DNTT: variants seen among roughly 807,000 people sequenced by gnomAD.
The protein encoded by DNTT is nucleosidetriphosphate:DNA deoxynucleotidylexotransferase.
In DNTT, 47 loss-of-function variants were observed where a neutral mutation model predicts 60.9. The observed-to-expected ratio is 0.77, with a 90% CI of 0.61 to 0.98. The LOEUF (loss-of-function observed/expected upper bound fraction) is 0.98, where lower values mean the gene tolerates loss of function less well. Among genes scored for constraint, DNTT ranks in the 50% least tolerant of loss-of-function variants. DNTT has a pLI of 0.00. For synonymous variants in DNTT, 224 were observed against 221.2 expected, an observed-to-expected ratio of 1.01 and a Z score of -0.11; for missense variants, 665 against 627.5, an observed-to-expected ratio of 1.06 and a Z score of -0.64.
intron 1 of DNTT, 116 bp from the exon 2 acceptor site, chr10:96,318,236 T>C: frequency 3.3e-6 from 4 of 1,206,294 alleles, no homozygotes; most frequent in Non-Finnish European, 4.6e-6. Flanking sequence ...CACCTATGGT[T>C]AGGTCTAGCA....
chr10:96,332,525 A>C lies in DNTT; in HGVS notation c.1288A>C (p.Ile430Leu). The change falls in exon 9 of 11, where the codon ATC (isoleucine) becomes CTC (leucine). Residue 430 changes from isoleucine to leucine, a missense_variant. By Grantham distance (5) the Ile-to-Leu change is conservative. Coordinates refer to ENST00000371174, the MANE Select transcript of DNTT (RefSeq NM_004088.4). ...GCAGGAAGGAAAGACCTGGAAGGCC[A>C]TCCGTGTGGATTTAGTTCTGTGCCC... The part of the protein sequence containing the change: ...SWQEGKTWKA[I>L]RVDLVLCPYE... 6.2e-7 allele frequency: 1 copy of C among 1,614,194 alleles called. No individual in the cohort carries two copies. Among genetic ancestry groups the C allele is most frequent in the African/African-American group, 1.3e-5 (1 of 75,068 alleles).
intron 1 of DNTT, among the ~76,000 whole-genome samples, chr10:96,314,193 C>T (rs753864197): frequency 3.3e-5 from 5 of 151,954 alleles, no homozygotes; most frequent in Non-Finnish European, 7.4e-5. Context: ...GGGAGGAAAT[C>T]GATTTTCTTA....
chr10:96,333,455 C>T (rs1845031560), intron 9 of DNTT, among the ~76,000 whole-genome samples: 1 of 152,216 alleles, frequency 6.6e-6, no homozygotes, highest in Non-Finnish European at 1.5e-5. Flanking sequence ...AGCAATCTTA[C>T]TTCTGGGTAT....
chr10:96,304,782 C>T, intron 1 of DNTT, 82 bp downstream of exon 1: 1 of 1,460,214 alleles, frequency 6.8e-7, no homozygotes. Context: ...CCTGTGTTTT[C>T]TTCCACATGT....
chr10:96,334,702 A>T (rs1294521613), intron 9 of DNTT, among the ~76,000 whole-genome samples: 1 of 152,222 alleles, frequency 6.6e-6, no homozygotes, highest in African/African-American at 2.4e-5. Flanking sequence ...TTCCTAAAAA[A>T]AGGGGAAGAA....
Position 96,320,886 on chromosome 10 carries a change from TGTG to T in DNTT, c.678+102_678+104del, listed in dbSNP as rs376977217. Reference sequence around the variant, plus strand: ...CAGATTTTCCTGTCAACTATGTAGATGTGGTGTACATCACAAATTTTCCTTTAT... The same window carrying T: ...CAGATTTTCCTGTCAACTATGTAGATGTGTACATCACAAATTTTCCTTTAT... On this transcript the variant is annotated intron_variant, in intron 4 of 10. Transcript: ENST00000371174. 8.2e-4 allele frequency: 1,180 copies of T among 1,445,546 alleles called. 18 individuals are homozygous for T. In the South Asian group the frequency reaches 0.012, roughly 15 times the overall value. The allele number at this position is 1,445,546 out of a possible 1,614,324, so 89.5% of individuals were successfully genotyped here.
intron 1 of DNTT, among the ~76,000 whole-genome samples, chr10:96,317,681 C>T (rs1051298667): frequency 6.6e-6 from 1 of 152,130 alleles, no homozygotes; most frequent in Admixed American, 6.6e-5. Context: ...CTGCCTTCCC[C>T]TTCTGCTATG....
intron 1 of DNTT, among the ~76,000 whole-genome samples, chr10:96,307,777 A>ATATATATTTTT (rs768634575): frequency 7.9e-6 from 1 of 126,020 alleles, no homozygotes; most frequent in African/African-American, 3.1e-5. Flanking sequence ...ATATATATAT[A>ATATATATTTTT]TTTTTTTTTT....
Position 96,320,696 on chromosome 10 carries a change from T to C in DNTT, c.586T>C (p.Ser196Pro), listed in dbSNP as rs138972209. The change falls in exon 4 of 11, where the codon TCT (serine) becomes CCT (proline). Residue 196 changes from serine to proline, a missense_variant. Physicochemically the swap from Ser to Pro is moderately conservative, Grantham distance 74. Coordinates refer to ENST00000371174, the MANE Select transcript of DNTT (RefSeq NM_004088.4). Reference protein sequence around the residue: ...DSCVTFMRAASVLKSLPFTII... With the variant: ...DSCVTFMRAAPVLKSLPFTII... ...CTGTGTGACATTTATGAGAGCAGCT[T>C]CTGTATTGAAATCTCTGCCATTCAC... 1.2e-6 allele frequency: 2 copies of C among 1,613,716 alleles called. No homozygotes were observed. Among genetic ancestry groups the C allele is most frequent in the Non-Finnish European group, 1.7e-6 (2 of 1,179,818 alleles).
intron 1 of DNTT, among the ~76,000 whole-genome samples, chr10:96,308,005 C>T (rs2133982218): frequency 6.6e-6 from 1 of 151,808 alleles, no homozygotes; most frequent in African/African-American, 2.4e-5. Flanking sequence ...GCCTTCACCT[C>T]CCAAAGGATT....
At chr10:96,318,918 AAAACAAAACAAAAC>A (rs1294612116) in intron 2 of DNTT, among the ~76,000 whole-genome samples, 2 of 152,228 alleles carry the variant, frequency 1.3e-5, no homozygotes, top group Non-Finnish European at 2.9e-5. Context: ...TTCAGAAAAC[AAAACAAAACAAAAC>A]AAACAAAACA....
intron 4 of DNTT, among the ~76,000 whole-genome samples, chr10:96,321,608 A>G (rs1844880681): frequency 6.6e-6 from 1 of 152,208 alleles, no homozygotes; most frequent in African/African-American, 2.4e-5. Context: ...TCTATTGGGA[A>G]ATTGCCTCTC....
chr10:96,308,335 T>C lies in DNTT; in HGVS notation c.203+3635T>C, dbSNP rs1388868591. 2.6e-5 allele frequency among the ~76,000 whole-genome samples: 4 copies of C among 152,218 alleles called. No individual in the cohort carries two copies. In the East Asian group the frequency reaches 7.7e-4, roughly 29 times the overall value. ...AAAATACGTGCCATTCAATGTGCCA[T>C]AGGAAGCTGGTCTTAAAACGTAGAT... is the stretch of plus-strand genomic sequence containing the variant. On this transcript the variant is annotated intron_variant, in intron 1 of 10. Coordinates refer to ENST00000371174, the MANE Select transcript of DNTT (RefSeq NM_004088.4).
intron 1 of DNTT, among the ~76,000 whole-genome samples, chr10:96,313,871 A>G (rs1420610884): frequency 6.6e-6 from 1 of 152,118 alleles, no homozygotes; most frequent in East Asian, 1.9e-4. Flanking sequence ...GTAGGAGTGG[A>G]TGGTGACAGG....
chr10:96,327,993 C>A (rs1844958625), intron 7 of DNTT, among the ~76,000 whole-genome samples: 2 of 152,184 alleles, frequency 1.3e-5, no homozygotes, highest in Admixed American at 1.3e-4. Flanking sequence ...AGCCCTTGAT[C>A]CACATAGTTA....
chr10:96,324,430 G>T, intron 6 of DNTT, 41 bp downstream of exon 6: 1 of 1,609,904 alleles, frequency 6.2e-7, no homozygotes, highest in Non-Finnish European at 8.5e-7. Context: ...CTATGGGCTG[G>T]TCGGGTCGTG....
chr10:96,332,243 A>G lies in DNTT; in HGVS notation c.1114-108A>G. ...GGGCCTTTAATGCAAGGCCAAACAC[A>G]TGTCCATGTTCTGCTCGAATCTGAA... is the stretch of plus-strand genomic sequence containing the variant. On this transcript the variant is annotated intron_variant, in intron 8 of 10. Transcript: ENST00000371174. The G allele has an allele frequency of 6.0e-6, 9 of 1,491,904 alleles. No homozygotes were observed. In the South Asian group the frequency reaches 1.1e-4, roughly 18 times the overall value. 92.4% of individuals were successfully genotyped at this position (1,491,904 alleles called of 1,614,324 possible). A position where few individuals can be genotyped will look rare whatever the true frequency, so the allele number is the denominator to read the frequency against.
chr10:96,311,106 G>A (rs1844709606), intron 1 of DNTT, among the ~76,000 whole-genome samples: 1 of 152,176 alleles, frequency 6.6e-6, no homozygotes, highest in Non-Finnish European at 1.5e-5. Flanking sequence ...GTGGTGCTAG[G>A]TGCTAGTAAG....
intron 9 of DNTT, among the ~76,000 whole-genome samples, chr10:96,334,203 A>G (rs10786279): frequency 0.74 from 112,238 of 152,068 alleles, 44,632 homozygotes; most frequent in East Asian, 0.92. Context: ...ACTGCTTCTT[A>G]CTGTTGGGTG....
Sources: allele counts gnomAD v4.1 joint callset (sites outside exome capture counted in the v4.1 genomes callset), GRCh38; gene constraint gnomAD v4.1.1; transcripts MANE v1.5; gene names NCBI Gene and HGNC (gene_info 2026-07-23, HGNC 2026-07-21).